Variants in GNB4 observed in about 807,000 individuals in gnomAD.
GNB4 encodes the protein guanine nucleotide-binding protein subunit beta-4.
GNB4 carries 28 observed loss-of-function variants against 45.2 expected under a neutral mutation model. The observed-to-expected ratio is 0.62, with a 90% CI of 0.46 to 0.85. The LOEUF (loss-of-function observed/expected upper bound fraction) is 0.85. GNB4 is among the 40% of genes least tolerant of loss of function. The pLI is 0.00. For synonymous variants in GNB4, 132 were observed against 143.7 expected (o/e 0.92, Z 0.58); for missense variants, 321 against 425.4 (o/e 0.75, Z 2.16).
At chr3:179,418,479 A>G (rs905952503) in intron 4 of GNB4, among the ~76,000 whole-genome samples, 6 of 142,066 alleles carry the variant, frequency 4.2e-5, no homozygotes, top group Non-Finnish European at 9.6e-5. Context: ...TCAAAAAAAA[A>G]AAAAAAAAAG....
At chr3:179,401,424 C>A in intron 9 of GNB4, 105 bp from the exon 10 acceptor site, 1 of 497,748 alleles carries the variant, frequency 2.0e-6, no homozygotes, top group Non-Finnish European at 3.5e-6. Flanking sequence ...GTCCAGTTTT[C>A]TTGAAAGTTC....
chr3:179,427,173 A>G (rs546537782), intron 1 of GNB4, among the ~76,000 whole-genome samples: 1 of 151,736 alleles, frequency 6.6e-6, no homozygotes, highest in South Asian at 2.1e-4. Context: ...AATCTGCCCA[A>G]ATGTGATCTT....
the GNB4 span, among the ~76,000 whole-genome samples, chr3:179,476,038 CA>C: frequency 6.6e-6 from 1 of 152,160 alleles, no homozygotes; most frequent in Admixed American, 6.5e-5. Context: ...AGTACCAGCT[CA>C]AAAGTTCAAA....
chr3:179,426,951 C>T (rs7618348), intron 1 of GNB4, among the ~76,000 whole-genome samples: 61,166 of 151,738 alleles, frequency 0.4, 12,567 homozygotes, highest in Admixed American at 0.5. Context: ...TAAACTCTAT[C>T]TTGACCCACA....
chr3:179,416,384 A>C, intron 5 of GNB4, 109 bp downstream of exon 5: 1 of 657,534 alleles, frequency 1.5e-6, no homozygotes, highest in Non-Finnish European at 2.6e-6. Context: ...ATAAACAATA[A>C]ATTTATCTCA....
chr3:179,461,956 A>G, the GNB4 span, among the ~76,000 whole-genome samples: 1 of 152,246 alleles, frequency 6.6e-6, no homozygotes, highest in Non-Finnish European at 1.5e-5. Flanking sequence ...CCTAAAATTT[A>G]GCTCTGATTA....
the GNB4 span, among the ~76,000 whole-genome samples, chr3:179,483,136 T>C: frequency 6.6e-6 from 1 of 152,192 alleles, no homozygotes; most frequent in Non-Finnish European, 1.5e-5. Flanking sequence ...ATTATTTTTT[T>C]CTTTATTTCC....
intron 8 of GNB4, among the ~76,000 whole-genome samples, chr3:179,411,022 A>AAT (rs759881886): frequency 1.3e-5 from 2 of 152,230 alleles, no homozygotes; most frequent in Non-Finnish European, 2.9e-5. Context: ...TGTCAATTAT[A>AAT]CCTTAATAAA....
At chr3:179,480,854 C>CTTT in the GNB4 span, among the ~76,000 whole-genome samples, 2 of 124,988 alleles carry the variant, frequency 1.6e-5, no homozygotes, top group Non-Finnish European at 3.4e-5. Context: ...TTTTTTTTTT[C>CTTT]TTTTTTTTTT....
chr3:179,411,240 T>C (rs1714642419), intron 8 of GNB4, among the ~76,000 whole-genome samples: 2 of 152,128 alleles, frequency 1.3e-5, no homozygotes, highest in Admixed American at 1.3e-4. Context: ...AATGAAACTA[T>C]TATAGTTTCA....
chr3:179,500,060 T>C, the GNB4 span, among the ~76,000 whole-genome samples: 1 of 152,248 alleles, frequency 6.6e-6, no homozygotes, highest in South Asian at 2.1e-4. Context: ...ATAGTTTCTT[T>C]TGCTGTGCAG....
the GNB4 span, among the ~76,000 whole-genome samples, chr3:179,504,873 G>A: frequency 6.6e-6 from 1 of 152,178 alleles, no homozygotes; most frequent in Non-Finnish European, 1.5e-5. Context: ...CTGGGGTGTA[G>A]AGCCAGAAGC....
chr3:179,447,372 AT>A (rs944781258), intron 1 of GNB4, among the ~76,000 whole-genome samples: 12 of 144,078 alleles, frequency 8.3e-5, no homozygotes, highest in African/African-American at 3.1e-4. Flanking sequence ...AAAAATCCTG[AT>A]TTTTTTTCAG....
the GNB4 span, among the ~76,000 whole-genome samples, chr3:179,496,633 A>G: frequency 1.3e-5 from 2 of 152,292 alleles, no homozygotes; most frequent in African/African-American, 4.8e-5. Flanking sequence ...GGCTGAAAAT[A>G]AAAGAATGGA....
rs1486703799 is a variant in GNB4, at chr3:179,398,404, A to G, written c.*2809T>C. On this transcript the variant is annotated 3_prime_UTR_variant, in exon 10 of 10. Transcript: ENST00000232564. ...GTGGCACATGCCTATAGTCCCAGCTACTTGGGAGGCTGAGGCACAAGAATT... is the reference window on the plus strand; with the variant it reads ...GTGGCACATGCCTATAGTCCCAGCTGCTTGGGAGGCTGAGGCACAAGAATT... 2 of 152,096 alleles carry G rather than the reference A, an allele frequency of 1.3e-5. No homozygotes were observed. Among genetic ancestry groups the G allele is most frequent in the Admixed American group, 6.6e-5 (1 of 15,226 alleles). 9.4% of individuals were successfully genotyped at this position (152,096 alleles called of 1,614,324 possible). A position where few individuals can be genotyped will look rare whatever the true frequency, so the allele number is the denominator to read the frequency against.
chr3:179,474,317 G>A, the GNB4 span, among the ~76,000 whole-genome samples: 9 of 151,964 alleles, frequency 5.9e-5, no homozygotes, highest in Admixed American at 3.3e-4. Context: ...TCCTCCTCCC[G>A]GGTTCAAGCG....
At chr3:179,435,575 T>C (rs1490651309) in intron 1 of GNB4, among the ~76,000 whole-genome samples, 1 of 151,642 alleles carries the variant, frequency 6.6e-6, no homozygotes, top group African/African-American at 2.4e-5. Flanking sequence ...CCTATCACAA[T>C]CTTCAAAGTG....
At chr3:179,416,680 C>A (rs925193703) in intron 4 of GNB4, 124 bp from the exon 5 acceptor site, 2 of 505,274 alleles carry the variant, frequency 4.0e-6, no homozygotes, top group Non-Finnish European at 6.9e-6. Context: ...AAACTTGATA[C>A]CAAAAAATGT....
chr3:179,446,764 A>G (rs12632246), intron 1 of GNB4, among the ~76,000 whole-genome samples: 35,816 of 152,212 alleles, frequency 0.24, 4,867 homozygotes, highest in East Asian at 0.36. Flanking sequence ...GAGAAGCTGT[A>G]GCAGCATCAC....
Sources: gnomAD v4.1 joint callset for allele counts (sites outside exome capture counted in the v4.1 genomes callset) on GRCh38, gnomAD v4.1.1 for gene constraint, MANE v1.5 for transcripts, NCBI Gene and HGNC (gene_info 2026-07-23, HGNC 2026-07-21) for gene names.